Variants in ENOX1 observed in about 807,000 individuals in gnomAD.
ENOX1 encodes the protein ecto-NOX disulfide-thiol exchanger 1.
Under a neutral mutation model 82.5 loss-of-function variants are expected in ENOX1, and 42 were observed. That is an observed-to-expected ratio of 0.51 (90% CI 0.40 to 0.66). The LOEUF is 0.66. Ranked by LOEUF, ENOX1 falls within the 30% of genes least tolerant of loss-of-function variation. ENOX1 has a pLI of 0.00. For synonymous variants in ENOX1, 271 were observed against 282.2 expected, an observed-to-expected ratio of 0.96 and a Z score of 0.40; for missense variants, 608 against 811.6, an observed-to-expected ratio of 0.75 and a Z score of 3.05.
intron 3 of ENOX1, among the ~76,000 whole-genome samples, chr13:43,425,557 CT>C (rs1360417987): frequency 1.3e-5 from 2 of 152,146 alleles, no homozygotes; most frequent in Non-Finnish European, 2.9e-5. Flanking sequence ...CTCAAATAGT[CT>C]CTTTTTCTAC....
chr13:43,691,692 C>T (rs1000619125), intron 1 of ENOX1, among the ~76,000 whole-genome samples: 1 of 151,274 alleles, frequency 6.6e-6, no homozygotes, highest in South Asian at 2.1e-4. Flanking sequence ...CCTGGAAGCC[C>T]ACAGACTTTT....
intron 1 of ENOX1, among the ~76,000 whole-genome samples, chr13:43,734,549 G>C (rs184259749): frequency 8.5e-5 from 13 of 152,240 alleles, no homozygotes; most frequent in African/African-American, 2.6e-4. Context: ...AATCCTCCTG[G>C]AGGAGGCAAC....
In ENOX1 at chr13:43,242,997, G is replaced by A. The variant is rs2042911733; in HGVS notation, c.1612-6259C>T. Among the ~76,000 whole-genome samples, 3 of 152,190 alleles carry A rather than the reference G, an allele frequency of 2.0e-5. No homozygotes were observed. The South Asian group carries it at 6.2e-4, about 32-fold the overall frequency. On this transcript the variant is annotated intron_variant, in intron 14 of 16. Transcript: ENST00000690772. ...CTGACCATACAAAAATTAGCCGAGC[G>A]TGGTAGTGCATGTCTGTAGTCCCAG... is the stretch of plus-strand genomic sequence containing the variant.
intron 2 of ENOX1, 91 bp downstream of exon 2, chr13:43,667,388 A>G (rs1260125188): frequency 2.3e-6 from 2 of 853,882 alleles, no homozygotes; most frequent in Admixed American, 6.2e-5. Context: ...ACATTAGAGA[A>G]TGATGCCAGA....
chr13:43,417,719 T>C (rs1216758208), intron 3 of ENOX1, among the ~76,000 whole-genome samples: 1 of 152,178 alleles, frequency 6.6e-6, no homozygotes, highest in Admixed American at 6.5e-5. Context: ...AGGTGATAAT[T>C]ATTACTATTT....
chr13:43,746,637 T>C (rs975950638), intron 1 of ENOX1, among the ~76,000 whole-genome samples: 7 of 151,802 alleles, frequency 4.6e-5, no homozygotes, highest in Admixed American at 4.6e-4. Flanking sequence ...TTCATCCATA[T>C]AGTTCTAAGA....
At chr13:43,440,962 G>A (rs1162440382) in intron 3 of ENOX1, among the ~76,000 whole-genome samples, 3 of 152,130 alleles carry the variant, frequency 2.0e-5, no homozygotes, top group Admixed American at 6.5e-5. Flanking sequence ...CACCTCTGTG[G>A]TATTCTTGCC....
chr13:43,458,993 CAT>C (rs1256388501), intron 3 of ENOX1: 1 of 152,168 alleles, frequency 6.6e-6, no homozygotes, highest in African/African-American at 2.4e-5. Context: ...CCCACTCTAA[CAT>C]ATGTTTCTCT....
chr13:43,771,950 T>TC (rs1446707403), intron 1 of ENOX1, among the ~76,000 whole-genome samples: 3 of 147,140 alleles, frequency 2.0e-5, no homozygotes, highest in African/African-American at 7.5e-5. Flanking sequence ...TTTTTTTTTT[T>TC]TTTTTTTGTA....
At chr13:43,549,064 T>C (rs994709505) in intron 2 of ENOX1, among the ~76,000 whole-genome samples, 5 of 152,240 alleles carry the variant, frequency 3.3e-5, no homozygotes, top group Admixed American at 6.5e-5. Flanking sequence ...TTTGAAACTT[T>C]CTGTCCATAT....
intron 5 of ENOX1, among the ~76,000 whole-genome samples, chr13:43,395,287 C>A (rs530864393): frequency 6.6e-6 from 1 of 152,302 alleles, no homozygotes; most frequent in Non-Finnish European, 1.5e-5. Flanking sequence ...GAGGCCAAGG[C>A]GGGCAGACCA....
At chr13:43,596,877 T>C (rs1041053899) in intron 2 of ENOX1, among the ~76,000 whole-genome samples, 1 of 152,214 alleles carries the variant, frequency 6.6e-6, no homozygotes, top group South Asian at 2.1e-4. Context: ...AACAGGAATG[T>C]AATGGTAAAA....
At chr13:43,286,507 G>C (rs1189243517) in intron 12 of ENOX1, among the ~76,000 whole-genome samples, 1 of 152,162 alleles carries the variant, frequency 6.6e-6, no homozygotes, top group African/African-American at 2.4e-5. Context: ...AGACATCAGG[G>C]AAAGCAGCAA....
chr13:43,258,218 T>C (rs2043859366), intron 14 of ENOX1, among the ~76,000 whole-genome samples: 2 of 152,182 alleles, frequency 1.3e-5, no homozygotes, highest in South Asian at 4.1e-4. Context: ...CCCTCTCTAA[T>C]CCTTCCTTGG....
chr13:43,749,083 A>T (rs774898814), intron 1 of ENOX1, among the ~76,000 whole-genome samples: 6 of 152,332 alleles, frequency 3.9e-5, no homozygotes, highest in Non-Finnish European at 5.9e-5. Context: ...TGCCTAGAAC[A>T]TGATACTTTG....
intron 5 of ENOX1, among the ~76,000 whole-genome samples, chr13:43,403,482 G>A (rs1447153459): frequency 1.3e-5 from 2 of 152,180 alleles, no homozygotes; most frequent in Admixed American, 6.5e-5. Context: ...ACCTTATATA[G>A]TACATGGGAT....
intron 14 of ENOX1, among the ~76,000 whole-genome samples, 193 bp downstream of exon 14, chr13:43,265,205 T>C (rs946286788): frequency 1.3e-5 from 2 of 152,220 alleles, no homozygotes; most frequent in African/African-American, 4.8e-5. Flanking sequence ...TACTTCTAAA[T>C]TGACATTTGA....
intron 2 of ENOX1, among the ~76,000 whole-genome samples, chr13:43,512,902 G>A (rs2077423697): frequency 6.6e-6 from 1 of 152,028 alleles, no homozygotes. Flanking sequence ...AAGCACCTAA[G>A]ATATGTCAAG....
chr13:43,238,669 G>A (rs913854614), intron 14 of ENOX1, among the ~76,000 whole-genome samples: 3 of 152,084 alleles, frequency 2.0e-5, no homozygotes, highest in Non-Finnish European at 4.4e-5. Context: ...ACATTAACTA[G>A]GATAATGATT....
Sources: gnomAD v4.1 joint callset for allele counts (sites outside exome capture counted in the v4.1 genomes callset) on GRCh38, gnomAD v4.1.1 for gene constraint, MANE v1.5 for transcripts, NCBI Gene and HGNC (gene_info 2026-07-23, HGNC 2026-07-21) for gene names.